The following OPCML variants were observed in gnomAD, a reference collection of about 807,000 sequenced individuals.
OPCML encodes the protein opioid-binding protein/cell adhesion molecule.
In OPCML, 13 loss-of-function variants were observed where a neutral mutation model predicts 37.8. The observed-to-expected ratio is 0.34, with a 90% CI of 0.22 to 0.55. The LOEUF (loss-of-function observed/expected upper bound fraction) is 0.55, where lower values mean the gene tolerates loss of function less well. Among genes scored for constraint, OPCML ranks in the 20% least tolerant of loss-of-function variants. OPCML has a pLI of 0.91. For synonymous variants in OPCML, 176 were observed against 168.8 expected (o/e 1.04, Z -0.33); for missense variants, 341 against 435.6 (o/e 0.78, Z 1.93).
chr11:133,259,209 TG>T, intron 1 of OPCML, among the ~76,000 whole-genome samples: 1 of 152,234 alleles, frequency 6.6e-6, no homozygotes, highest in East Asian at 1.9e-4. Context: ...AGTGTTGTTT[TG>T]TTTTTATAAA....
At chr11:133,007,536 G>GA in intron 1 of OPCML, 1 of 985,330 alleles carries the variant, frequency 1.0e-6, no homozygotes, top group Non-Finnish European at 1.2e-6. Flanking sequence ...GCAGGGTGGG[G>GA]AACTGAGCAT....
intron 1 of OPCML, among the ~76,000 whole-genome samples, chr11:133,267,026 G>A (rs1941682831): frequency 6.6e-6 from 1 of 152,190 alleles, no homozygotes; most frequent in South Asian, 2.1e-4. Flanking sequence ...CTATCTTAAA[G>A]CAGAAGTATG....
intron 1 of OPCML, among the ~76,000 whole-genome samples, chr11:133,291,988 T>A (rs1015471133): frequency 5.3e-5 from 8 of 152,210 alleles, no homozygotes; most frequent in Non-Finnish European, 1.2e-4. Flanking sequence ...CCTTACAGTT[T>A]TATAAACTAT....
intron 2 of OPCML, among the ~76,000 whole-genome samples, chr11:132,736,150 T>C (rs1945249074): frequency 6.6e-6 from 1 of 152,210 alleles, no homozygotes; most frequent in Non-Finnish European, 1.5e-5. Context: ...GCTATGCCTG[T>C]CCTTCTATGA....
intron 1 of OPCML, among the ~76,000 whole-genome samples, chr11:133,317,445 A>T (rs1460058912): frequency 6.6e-6 from 1 of 152,214 alleles, no homozygotes; most frequent in African/African-American, 2.4e-5. Context: ...ATTTTGAAAC[A>T]CTGGTTTGTG....
chr11:132,914,251 C>T (rs1339223318), intron 2 of OPCML, among the ~76,000 whole-genome samples: 2 of 152,178 alleles, frequency 1.3e-5, no homozygotes, highest in Non-Finnish European at 2.9e-5. Flanking sequence ...ACGACTGAGA[C>T]TCTTCGATAT....
At chr11:133,017,658 A>C (rs1478655925) in intron 1 of OPCML, among the ~76,000 whole-genome samples, 2 of 152,148 alleles carry the variant, frequency 1.3e-5, no homozygotes, top group African/African-American at 2.4e-5. Flanking sequence ...CAAACTGCTG[A>C]GATTACAGGC....
chr11:132,480,304 A>C (rs2096174956), intron 4 of OPCML, among the ~76,000 whole-genome samples: 1 of 152,226 alleles, frequency 6.6e-6, no homozygotes, highest in African/African-American at 2.4e-5. Context: ...TGAAGCAAGA[A>C]GGGAAGTTTA....
At chr11:132,936,799 C>G (rs1461639299) in intron 2 of OPCML, among the ~76,000 whole-genome samples, 1 of 152,094 alleles carries the variant, frequency 6.6e-6, no homozygotes, top group Admixed American at 6.5e-5. Context: ...GAGAACGGAT[C>G]AAGATGAAAA....
chr11:132,747,826 G>A (rs985483792), intron 2 of OPCML, among the ~76,000 whole-genome samples: 2 of 152,128 alleles, frequency 1.3e-5, no homozygotes, highest in African/African-American at 2.4e-5. Context: ...TTTTGGCGAC[G>A]TAGTGTATAT....
At chr11:132,611,218 A>C (rs1380452967) in intron 3 of OPCML, among the ~76,000 whole-genome samples, 1 of 152,182 alleles carries the variant, frequency 6.6e-6, no homozygotes, top group Non-Finnish European at 1.5e-5. Flanking sequence ...ATAAATGAGT[A>C]ACTTGGTCCC....
intron 2 of OPCML, among the ~76,000 whole-genome samples, chr11:132,926,257 G>A (rs990812625): frequency 1.3e-5 from 2 of 152,146 alleles, no homozygotes; most frequent in Non-Finnish European, 2.9e-5. Flanking sequence ...CTCTAAAGAT[G>A]TCAGAGGCAT....
intron 3 of OPCML, among the ~76,000 whole-genome samples, chr11:132,554,558 T>C (rs2137452330): frequency 6.6e-6 from 1 of 152,332 alleles, no homozygotes; most frequent in South Asian, 2.1e-4. Flanking sequence ...CTGGATGAGC[T>C]TTGCTGAGGA....
intron 1 of OPCML, among the ~76,000 whole-genome samples, chr11:133,218,062 G>A (rs529443430): frequency 6.6e-6 from 1 of 150,616 alleles, no homozygotes; most frequent in East Asian, 1.9e-4. Flanking sequence ...AAAAACCCAA[G>A]CAAACAAAAA....
chr11:133,447,865 C>G (rs1034677009), intron 1 of OPCML, among the ~76,000 whole-genome samples: 3 of 152,086 alleles, frequency 2.0e-5, no homozygotes, highest in African/African-American at 7.2e-5. Flanking sequence ...AATGGAAATC[C>G]TTTGCTTATT....
chr11:133,434,178 T>C (rs959129398), intron 1 of OPCML, among the ~76,000 whole-genome samples: 9 of 152,200 alleles, frequency 5.9e-5, no homozygotes, highest in Non-Finnish European at 4.4e-5. Context: ...GATTACACTA[T>C]TCACTTTCCT....
intron 1 of OPCML, among the ~76,000 whole-genome samples, chr11:133,221,996 T>C (rs547318920): frequency 3.9e-5 from 6 of 152,330 alleles, no homozygotes; most frequent in Non-Finnish European, 7.4e-5. Flanking sequence ...TCTTCCCATT[T>C]GTCAATGCCA....
chr11:132,418,750 T>TTGC lies in OPCML; in HGVS notation c.*1440_*1442dup, dbSNP rs1432799150. On this transcript the variant is annotated 3_prime_UTR_variant, in exon 8 of 8. Transcript: ENST00000524381. ...CACTCAGGCGGGTGGACTCTTCACT[T>TTGC]TGCATTGCAGAGACAGATGTGTTTT... 6.6e-6 allele frequency: 1 copy of TTGC among 152,368 alleles called. No homozygotes were observed. The highest frequency in any genetic ancestry group is 1.5e-5 in the Non-Finnish European group (1 of 68,042). 9.4% of individuals were successfully genotyped at this position (152,368 alleles called of 1,614,324 possible).
chr11:133,426,585 C>A (rs61082292), intron 1 of OPCML, among the ~76,000 whole-genome samples: 1 of 152,018 alleles, frequency 6.6e-6, no homozygotes, highest in African/African-American at 2.4e-5. Context: ...CTCCTCTGCC[C>A]CAGGCCCCCG....
Sources: allele counts gnomAD v4.1 joint callset (sites outside exome capture counted in the v4.1 genomes callset), GRCh38; gene constraint gnomAD v4.1.1; transcripts MANE v1.5; gene names NCBI Gene and HGNC (gene_info 2026-07-23, HGNC 2026-07-21).